GDAP1: variants seen among roughly 807,000 people sequenced by gnomAD.
GDAP1 encodes ganglioside-induced differentiation-associated protein 1.
Under a neutral mutation model 40.1 loss-of-function variants are expected in GDAP1, and 34 were observed. The observed-to-expected ratio is 0.85, with a 90% CI of 0.64 to 1.13. GDAP1 has a LOEUF of 1.13. Among genes scored for constraint, GDAP1 ranks in the 50% most tolerant of loss-of-function variants. GDAP1 has a pLI of 0.00. For missense variants in GDAP1, 374 were observed against 433.7 expected, an observed-to-expected ratio of 0.86 and a Z score of 1.22; for synonymous variants, 170 against 157.4, an observed-to-expected ratio of 1.08 and a Z score of -0.60.
chr8:74,358,929 A>G (rs1035010011), intron 2 of GDAP1, among the ~76,000 whole-genome samples: 2 of 152,240 alleles, frequency 1.3e-5, no homozygotes, highest in Non-Finnish European at 2.9e-5. Flanking sequence ...AGATATGTTC[A>G]TGGTTAAGTT....
downstream of GDAP1, among the ~76,000 whole-genome samples, chr8:74,371,195 C>T (rs1243417490): frequency 6.6e-6 from 1 of 152,098 alleles, no homozygotes; most frequent in African/African-American, 2.4e-5. Flanking sequence ...ATATTCTAGG[C>T]CATAAAACAA....
intron 2 of GDAP1, among the ~76,000 whole-genome samples, chr8:74,429,955 A>G (rs1806005220): frequency 6.6e-6 from 1 of 152,180 alleles, no homozygotes; most frequent in Admixed American, 6.5e-5. Flanking sequence ...CACATCACGG[A>G]CAGTGTTACC....
At chr8:74,380,343 G>A (rs1809927660) in intron 2 of GDAP1, among the ~76,000 whole-genome samples, 1 of 152,116 alleles carries the variant, frequency 6.6e-6, no homozygotes, top group Non-Finnish European at 1.5e-5. Context: ...TGAGATATAG[G>A]AAAAGTAACT....
intron 2 of GDAP1, among the ~76,000 whole-genome samples, chr8:74,421,487 A>G (rs945129681): frequency 1.3e-5 from 2 of 152,186 alleles, no homozygotes; most frequent in African/African-American, 4.8e-5. Flanking sequence ...AGTAACAAGA[A>G]TGTCATATTT....
chr8:74,443,872 TCAGCCCTCTGCACAGTTTCTCTC>T (rs1169100608), intron 2 of GDAP1, among the ~76,000 whole-genome samples: 3 of 152,128 alleles, frequency 2.0e-5, no homozygotes, highest in Admixed American at 6.6e-5. Flanking sequence ...TGTCCCAATT[TCAGCCCTCTGCACAGTTTCTCTC>T]CAGCTGTTTT....
chr8:74,483,279 A>G (rs1806735933), intron 2 of GDAP1, among the ~76,000 whole-genome samples: 1 of 152,174 alleles, frequency 6.6e-6, no homozygotes, highest in Admixed American at 6.5e-5. Flanking sequence ...AATAAGATAA[A>G]CACACAATAA....
At chr8:74,442,522 A>G (rs1156714325) in intron 2 of GDAP1, among the ~76,000 whole-genome samples, 7 of 152,202 alleles carry the variant, frequency 4.6e-5, no homozygotes, top group African/African-American at 1.4e-4. Context: ...GAAATTAAAC[A>G]TAATTTGATT....
At chr8:74,473,502 T>C (rs1806587459) in intron 2 of GDAP1, among the ~76,000 whole-genome samples, 1 of 152,210 alleles carries the variant, frequency 6.6e-6, no homozygotes, top group South Asian at 2.1e-4. Flanking sequence ...TCAGTTTCAA[T>C]CTTCTGCATG....
intron 2 of GDAP1, among the ~76,000 whole-genome samples, chr8:74,460,236 C>T (rs1025144633): frequency 6.6e-6 from 1 of 152,136 alleles, no homozygotes; most frequent in Non-Finnish European, 1.5e-5. Flanking sequence ...ACATAATGTT[C>T]CTTAAATTGT....
Position 74,364,329 on chromosome 8 carries a change from A to G in GDAP1, c.1039A>G (p.Met347Val), listed in dbSNP as rs112786851. The G allele has an allele frequency of 8.1e-5, 130 of 1,613,952 alleles. 1 individual carries two copies. The highest frequency in any genetic ancestry group is 9.2e-5 in the Non-Finnish European group (109 of 1,179,960). ...GCTTTTCAGAAAGAGGCTTGGCAGC[A>G]TGATATTAGCATTTAGACCCAGACC... ...FMLFRKRLGS[M>V]ILAFRPRPNY... The change falls in exon 6 of 6, where the codon ATG becomes GTG. Residue 347 changes from methionine to valine, a missense_variant. By Grantham distance (21) the Met-to-Val change is conservative. Coordinates refer to ENST00000220822, the MANE Select transcript of GDAP1 (RefSeq NM_018972.4).
At chr8:74,357,831 A>C (rs1347247424) in intron 2 of GDAP1, among the ~76,000 whole-genome samples, 1 of 152,176 alleles carries the variant, frequency 6.6e-6, no homozygotes, top group African/African-American at 2.4e-5. Flanking sequence ...CTGAGAAAAA[A>C]ATTCTTGCTT....
At chr8:74,476,622 T>C (rs1193749718) in intron 2 of GDAP1, among the ~76,000 whole-genome samples, 1 of 152,228 alleles carries the variant, frequency 6.6e-6, no homozygotes, top group Non-Finnish European at 1.5e-5. Context: ...CAATCTTTTC[T>C]GGCTTGTAGG....
At chr8:74,422,406 T>C (rs1226031072) in intron 2 of GDAP1, among the ~76,000 whole-genome samples, 1 of 141,136 alleles carries the variant, frequency 7.1e-6, no homozygotes, top group Non-Finnish European at 1.5e-5. Flanking sequence ...TCTGTCTCTC[T>C]CTCTCTCTTC....
chr8:74,431,341 A>G (rs1042164375), intron 2 of GDAP1, among the ~76,000 whole-genome samples: 7 of 151,958 alleles, frequency 4.6e-5, no homozygotes, highest in African/African-American at 1.7e-4. Flanking sequence ...AAATGATGCT[A>G]TGTCTGGTTT....
chr8:74,428,627 C>T (rs137877646), intron 2 of GDAP1, among the ~76,000 whole-genome samples: 3,087 of 90,920 alleles, frequency 0.034, 148 homozygotes, highest in African/African-American at 0.12. Context: ...CCACCACACC[C>T]GGCTAATTTT....
At chr8:74,428,611 C>T (rs1169748854) in intron 2 of GDAP1, among the ~76,000 whole-genome samples, 10 of 130,892 alleles carry the variant, frequency 7.6e-5, no homozygotes, top group East Asian at 4.7e-4. Flanking sequence ...GGACTACGGG[C>T]GTATGCCACC....
intron 2 of GDAP1, among the ~76,000 whole-genome samples, chr8:74,412,621 T>C (rs1180967744): frequency 6.7e-6 from 1 of 150,022 alleles, no homozygotes; most frequent in Non-Finnish European, 1.5e-5. Flanking sequence ...ACTGTCAATC[T>C]AGAATTTAAT....
rs138137016 is a variant in GDAP1, at chr8:74,361,646, C to A, written c.485-238C>A. ...TCTTGACCTCCTGATCCTCCCGCCT[C>A]GGCCTCCCAAAGTGCTGGGATTACA... On this transcript the variant is annotated intron_variant, in intron 3 of 5. Coordinates refer to ENST00000220822, the MANE Select transcript of GDAP1 (RefSeq NM_018972.4). Among the ~76,000 whole-genome samples, 3,702 of 152,272 alleles carry A rather than the reference C, an allele frequency of 0.024. 156 individuals are homozygous for A. The highest frequency in any genetic ancestry group is 0.085 in the African/African-American group (3,518 of 41,554).
Position 74,361,922 on chromosome 8 carries a change from G to C in GDAP1, c.523G>C (p.Ala175Pro), listed in dbSNP as rs1362886530. ...CACAGAGTCTGAGCTGAAGAAACTT[G>C]CTGAAGAAAACCCAGATTTACAAGA... ...GNTESELKKL[A>P]EENPDLQEAY... The change falls in exon 4 of 6, where the codon GCT (alanine) becomes CCT (proline). Residue 175 changes from alanine (A) to proline (P), a missense_variant. Ala to Pro is a conservative substitution (Grantham distance 27, BLOSUM62 -1). Transcript: ENST00000220822. 1.3e-5 allele frequency: 21 copies of C among 1,610,070 alleles called. No homozygotes were observed. Among genetic ancestry groups the C allele is most frequent in the Non-Finnish European group, 8.5e-7 (1 of 1,176,606 alleles).
Sources: allele counts gnomAD v4.1 joint callset (sites outside exome capture counted in the v4.1 genomes callset), GRCh38; gene constraint gnomAD v4.1.1; transcripts MANE v1.5; gene names NCBI Gene and HGNC (gene_info 2026-07-23, HGNC 2026-07-21).